ANK3: variants seen among roughly 807,000 people sequenced by gnomAD.
ANK3 encodes ankyrin-3.
In ANK3, 57 loss-of-function variants were observed where a neutral mutation model predicts 370.9. That is an observed-to-expected ratio of 0.15 (90% CI 0.12 to 0.19). ANK3 has a LOEUF of 0.19. Ranked by LOEUF, ANK3 falls within the 10% of genes least tolerant of loss-of-function variation. The pLI is 1.00. For synonymous variants in ANK3, 1,929 were observed against 1,946.3 expected (o/e 0.99, Z 0.23); for missense variants, 4,439 against 5,302.1 (o/e 0.84, Z 5.06).
intron 2 of ANK3, among the ~76,000 whole-genome samples, chr10:60,444,444 G>GTGTGTGTGTA (rs386361850): frequency 6.7e-6 from 1 of 148,786 alleles, no homozygotes; most frequent in African/African-American, 2.5e-5. Flanking sequence ...GTGTGTGTGT[G>GTGTGTGTGTA]TATATATATA....
intron 23 of ANK3, among the ~76,000 whole-genome samples, chr10:60,162,537 C>A (rs2095524799): frequency 6.6e-6 from 1 of 152,158 alleles, no homozygotes; most frequent in Admixed American, 6.5e-5. Context: ...TGGCACGAAG[C>A]TGAACATGAT....
chr10:60,341,221 A>C (rs2054210956), intron 1 of ANK3, among the ~76,000 whole-genome samples: 1 of 152,200 alleles, frequency 6.6e-6, no homozygotes, highest in African/African-American at 2.4e-5. Context: ...TTGAGAAAGT[A>C]TAAAAAATGA....
chr10:60,081,156 C>T (rs1011847212), intron 35 of ANK3, among the ~76,000 whole-genome samples: 3 of 152,062 alleles, frequency 2.0e-5, no homozygotes, highest in Admixed American at 6.6e-5. Context: ...GGTGAGATCC[C>T]GCCTCACTGC....
intron 2 of ANK3, among the ~76,000 whole-genome samples, chr10:60,606,763 T>C (rs1223424156): frequency 2.6e-5 from 4 of 152,320 alleles, no homozygotes; most frequent in African/African-American, 9.6e-5. Context: ...TGGTTCCTTC[T>C]ATGGCTGTAA....
chr10:60,128,069 C>G (rs570756803), intron 25 of ANK3, among the ~76,000 whole-genome samples: 2 of 152,092 alleles, frequency 1.3e-5, no homozygotes, highest in African/African-American at 4.8e-5. Context: ...AAATAAAAGA[C>G]TTTATTAGGA....
intron 1 of ANK3, among the ~76,000 whole-genome samples, chr10:60,725,180 C>A (rs905654158): frequency 6.6e-6 from 1 of 152,172 alleles, no homozygotes; most frequent in Admixed American, 6.5e-5. Context: ...CTTATCTTTT[C>A]ACCAAGCACT....
At chr10:60,258,117 T>C (rs2097762353) in intron 7 of ANK3, among the ~76,000 whole-genome samples, 1 of 152,254 alleles carries the variant, frequency 6.6e-6, no homozygotes, top group Non-Finnish European at 1.5e-5. Flanking sequence ...TGACAATCAG[T>C]ACTAGCTCTA....
chr10:60,592,439 T>C (rs980101829), intron 2 of ANK3, among the ~76,000 whole-genome samples: 1 of 152,168 alleles, frequency 6.6e-6, no homozygotes, highest in Admixed American at 6.5e-5. Context: ...TGGAGAGGAA[T>C]CAAGTGAATA....
intron 8 of ANK3, among the ~76,000 whole-genome samples, chr10:60,226,517 T>C (rs1251561370): frequency 2.2e-5 from 1 of 44,538 alleles, no homozygotes; most frequent in Non-Finnish European, 3.8e-5. Context: ...ATACATAGTA[T>C]ATATACTATA....
chr10:60,202,325 G>A (rs2096694126), intron 12 of ANK3, among the ~76,000 whole-genome samples: 1 of 151,092 alleles, frequency 6.6e-6, no homozygotes. Flanking sequence ...GATTCTCCAT[G>A]TTGGTCAGGC....
intron 18 of ANK3, among the ~76,000 whole-genome samples, chr10:60,180,749 A>G (rs1051277393): frequency 5.3e-5 from 8 of 152,106 alleles, no homozygotes; most frequent in African/African-American, 1.9e-4. Flanking sequence ...TGATGACATG[A>G]GAAGTCCTAT....
intron 28 of ANK3, among the ~76,000 whole-genome samples, chr10:60,104,421 A>AAAG (rs2091887745): frequency 1.3e-5 from 2 of 151,022 alleles, no homozygotes; most frequent in Admixed American, 6.6e-5. Flanking sequence ...AAAGAAAAGA[A>AAAG]AAGAAAAGAA....
At chr10:60,043,460 G>C in intron 42 of ANK3, 1 of 985,142 alleles carries the variant, frequency 1.0e-6, no homozygotes, top group Non-Finnish European at 1.2e-6. Flanking sequence ...TGAGAAACAA[G>C]TGAAAAATAA....
At position 60,069,165 on chromosome 10, in the gene ANK3, A is replaced by T. The variant is rs142931189; in HGVS notation, c.11716T>A (p.Cys3906Ser). 3 of 1,614,186 alleles carry T rather than the reference A, an allele frequency of 1.9e-6. No homozygotes were observed. The highest frequency in any genetic ancestry group is 2.5e-6 in the Non-Finnish European group (3 of 1,180,028). The change falls in exon 37 of 44, where the codon TGT becomes AGT. Residue 3906 changes from cysteine to serine, a missense_variant. Cys to Ser is a moderately radical substitution (Grantham distance 112). This residue lies in a region of ANK3 where 496 missense variants were observed against 529.3 expected (regional missense o/e 0.94). Coordinates refer to ENST00000280772, the MANE Select transcript of ANK3 (RefSeq NM_020987.5). ...EKTKALTTSS[C>S]VDVKSRIPVK... ...GGAATTCTGGACTTTACATCTACAC[A>T]TGAAGAAGTAGTAAGGGCTTTGGTT...
intron 5 of ANK3, among the ~76,000 whole-genome samples, chr10:60,264,727 T>C (rs917622919): frequency 2.6e-4 from 40 of 152,158 alleles, no homozygotes; most frequent in African/African-American, 9.2e-4. Flanking sequence ...TTTCCACTGA[T>C]TTTTAAAAAC....
chr10:60,694,668 G>A (rs1184121522), intron 1 of ANK3, among the ~76,000 whole-genome samples: 2 of 151,884 alleles, frequency 1.3e-5, no homozygotes, highest in African/African-American at 2.4e-5. Flanking sequence ...GTGAAGGAGA[G>A]ATAAAATACT....
intron 2 of ANK3, among the ~76,000 whole-genome samples, chr10:60,430,004 G>A (rs1303189973): frequency 6.6e-6 from 1 of 152,162 alleles, no homozygotes; most frequent in Non-Finnish European, 1.5e-5. Context: ...TTTATCCTAT[G>A]TGGATGCAGA....
chr10:60,206,127 G>T (rs569722331), intron 10 of ANK3, among the ~76,000 whole-genome samples: 2 of 152,122 alleles, frequency 1.3e-5, no homozygotes, highest in Non-Finnish European at 2.9e-5. Context: ...CTGGTTAGCT[G>T]AGGTAAAAAT....
intron 2 of ANK3, among the ~76,000 whole-genome samples, chr10:60,614,410 A>G (rs2078241054): frequency 6.6e-6 from 1 of 152,214 alleles, no homozygotes; most frequent in Admixed American, 6.5e-5. Flanking sequence ...GGCAGATACT[A>G]TTATTCATCT....
Sources: gnomAD v4.1 joint callset for allele counts (sites outside exome capture counted in the v4.1 genomes callset) on GRCh38, gnomAD v4.1.1 for gene constraint, gnomAD v4.1.1 regional missense constraint, MANE v1.5 for transcripts, NCBI Gene and HGNC (gene_info 2026-07-23, HGNC 2026-07-21) for gene names.